Variants in CDCA2 observed in about 807,000 individuals in gnomAD.
The protein encoded by CDCA2 is cell division cycle-associated protein 2.
A neutral mutation model predicts 67.0 loss-of-function variants in CDCA2; 44 were observed. That is an observed-to-expected ratio of 0.66 (90% CI 0.52 to 0.84). The LOEUF is 0.84. CDCA2 is among the 40% of genes least tolerant of loss of function. The probability of loss-of-function intolerance (pLI) is 0.00; values close to 1 mark genes in which losing one functional copy is unlikely to be tolerated. For missense variants in CDCA2, 1,253 were observed against 1,203.2 expected, an observed-to-expected ratio of 1.04 and a Z score of -0.61; for synonymous variants, 447 against 418.7, an observed-to-expected ratio of 1.07 and a Z score of -0.82.
intron 8 of CDCA2, among the ~76,000 whole-genome samples, chr8:25,482,439 G>A (rs117489029): frequency 2.6e-5 from 4 of 152,120 alleles, no homozygotes; most frequent in Non-Finnish European, 5.9e-5. Context: ...AAATCTGTTG[G>A]TTCTGCATCC....
chr8:25,477,080 T>C (rs568410571), intron 7 of CDCA2, among the ~76,000 whole-genome samples: 1 of 152,334 alleles, frequency 6.6e-6, no homozygotes, highest in South Asian at 2.1e-4. Context: ...GGCCACACTC[T>C]GTCTCCTTGC....
chr8:25,507,420 A>C lies in CDCA2; in HGVS notation c.2754A>C (p.Lys918Asn), dbSNP rs2117561889. ...ISLPLPSTSQ[K>N]AKRRTICTFD... ...TTCCACTTCCTTCCACTTCCCAAAA[A>C]GCCAAAAGAAGAACAATATGTACAT... Residue 918 changes from lysine to asparagine, a missense_variant, in exon 15 of 15, where the codon AAA becomes AAC. Transcript: ENST00000330560. The C allele has an allele frequency of 6.2e-7, 1 of 1,614,054 alleles. No homozygotes were observed. The highest frequency in any genetic ancestry group is 8.5e-7 in the Non-Finnish European group (1 of 1,180,000).
rs780317901 is a variant in CDCA2, at chr8:25,468,237, G to A, written c.559G>A (p.Ala187Thr). Reference protein sequence around the residue: ...TDLTRKEGLSACQQSGFPAVL... With the variant: ...TDLTRKEGLSTCQQSGFPAVL... ...TATAGCCAGAAAGGAAGGTCTCAGC[G>A]CTTGCCAGCAGTCTGGGTTCCCTGC... The change falls in exon 6 of 15, where the codon GCT (alanine) becomes ACT (threonine). Residue 187 changes from alanine to threonine, a missense_variant. Ala to Thr is a moderately conservative substitution (Grantham distance 58, BLOSUM62 0). Transcript: ENST00000330560. 13 of 1,606,804 alleles carry A rather than the reference G, an allele frequency of 8.1e-6. No individual in the cohort carries two copies. The highest frequency in any genetic ancestry group is 6.7e-5 in the South Asian group (6 of 90,172).
Position 25,507,765 on chromosome 8 carries a change from A to G in CDCA2, c.*27A>G, listed in dbSNP as rs1214842805. The stretch of plus-strand genomic sequence containing the variant: ...TGACATTTCCTGCAGAGTCTGTGGC[A>G]AGAGGGAAAGTAACCATCTATGCTG... On this transcript the variant is annotated 3_prime_UTR_variant, in exon 15 of 15. Coordinates refer to ENST00000330560, the MANE Select transcript of CDCA2 (RefSeq NM_152562.4). 6.3e-7 allele frequency: 1 copy of G among 1,579,010 alleles called. No homozygotes were observed. Among genetic ancestry groups the G allele is most frequent in the Non-Finnish European group, 8.6e-7 (1 of 1,166,726 alleles).
intron 6 of CDCA2, among the ~76,000 whole-genome samples, chr8:25,469,309 G>A (rs888386651): frequency 3.3e-5 from 5 of 152,166 alleles, no homozygotes; most frequent in Admixed American, 6.5e-5. Flanking sequence ...TATTTCAGTC[G>A]CCTGTAATCT....
At chr8:25,500,955 T>A (rs1804451169) in intron 13 of CDCA2, among the ~76,000 whole-genome samples, 1 of 151,970 alleles carries the variant, frequency 6.6e-6, no homozygotes. Context: ...CCAGAGGCCA[T>A]TTTTTTTATT....
intron 7 of CDCA2, among the ~76,000 whole-genome samples, chr8:25,476,911 T>A (rs1803374776): frequency 6.6e-6 from 1 of 152,178 alleles, no homozygotes; most frequent in South Asian, 2.1e-4. Flanking sequence ...AAGGACCTTG[T>A]GTCTGAGTTG....
chr8:25,463,386 A>T (rs937251080), intron 4 of CDCA2, among the ~76,000 whole-genome samples: 3 of 152,184 alleles, frequency 2.0e-5, no homozygotes, highest in African/African-American at 7.2e-5. Context: ...AGGCCTGGTG[A>T]TGTAGCTCAT....
chr8:25,497,499 T>TAAA (rs1563281762), intron 13 of CDCA2, among the ~76,000 whole-genome samples: 2 of 122,658 alleles, frequency 1.6e-5, no homozygotes, highest in Admixed American at 8.0e-5. Flanking sequence ...CTTTAAAAAA[T>TAAA]AAAAAATAAA....
Position 25,478,300 on chromosome 8 carries a change from A to G in CDCA2, c.821-1613A>G, listed in dbSNP as rs533279072. On this transcript the variant is annotated intron_variant, in intron 7 of 14. Transcript: ENST00000330560. ...GCTACTAGGTCTTCAAAATATGTCA[A>G]ATGTCCACCCACTTCTCACCTTTTG... Among the ~76,000 whole-genome samples the G allele has an allele frequency of 4.6e-5, 7 of 152,116 alleles. 1 individual carries two copies. The South Asian group carries it at 1.0e-3, about 23-fold the overall frequency.
Position 25,485,916 on chromosome 8 carries a change from A to T in CDCA2, c.1444+79A>T, listed in dbSNP as rs796335472. 3.7e-6 allele frequency: 3 copies of T among 807,656 alleles called. No homozygotes were observed. The African/African-American group carries it at 5.3e-5, about 14-fold the overall frequency. The allele number at this position is 807,656 out of a possible 1,614,324, so 50.0% of individuals were successfully genotyped here. ...GTTGATTATTTTTGTTTTCTTTTAA[A>T]AATTTCATATTTGTTACCACAACAT... is the stretch of plus-strand genomic sequence containing the variant. On this transcript the variant is annotated intron_variant, in intron 11 of 14. Transcript: ENST00000330560.
At position 25,468,134 on chromosome 8, in the gene CDCA2, A is replaced by AG. The variant is rs1344055258; in HGVS notation, c.539-83_539-82insG. 1.8e-5 allele frequency: 10 copies of AG among 562,632 alleles called. No individual in the cohort carries two copies. In the East Asian group the frequency reaches 3.3e-4, roughly 19 times the overall value. 34.9% of individuals were successfully genotyped at this position (562,632 alleles called of 1,614,324 possible). A position where few individuals can be genotyped will look rare whatever the true frequency, so the allele number is the denominator to read the frequency against. On this transcript the variant is annotated intron_variant, in intron 5 of 14. Coordinates refer to ENST00000330560, the MANE Select transcript of CDCA2 (RefSeq NM_152562.4). ...ACTCCGTCTCAAAAAAAAAAAAAAA[A>AG]AAAAAGAAAAGAAAAAAAATATATA...
At chr8:25,491,525 A>G (rs1291392559) in intron 13 of CDCA2, among the ~76,000 whole-genome samples, 1 of 151,840 alleles carries the variant, frequency 6.6e-6, no homozygotes, top group Non-Finnish European at 1.5e-5. Context: ...GTTCATTTAA[A>G]GCTTAGAAGA....
chr8:25,483,014 G>A (rs892152830), intron 8 of CDCA2, among the ~76,000 whole-genome samples: 1 of 152,198 alleles, frequency 6.6e-6, no homozygotes, highest in Admixed American at 6.5e-5. Flanking sequence ...TTGAGCATCC[G>A]TGGATTTTGG....
At chr8:25,485,873 T>A in intron 11 of CDCA2, 36 bp downstream of exon 11, 1 of 1,210,830 alleles carries the variant, frequency 8.3e-7, no homozygotes, top group Non-Finnish European at 1.2e-6. Context: ...ATAAATGTCA[T>A]TTTTTATATG....
intron 7 of CDCA2, among the ~76,000 whole-genome samples, chr8:25,474,424 G>A (rs1253573101): frequency 6.6e-6 from 1 of 152,064 alleles, no homozygotes; most frequent in Non-Finnish European, 1.5e-5. Flanking sequence ...TCTTTTGGTG[G>A]GACATTTTTA....
chr8:25,461,192 G>A (rs1802670713), intron 3 of CDCA2, among the ~76,000 whole-genome samples: 1 of 149,312 alleles, frequency 6.7e-6, no homozygotes, highest in African/African-American at 2.5e-5. Context: ...GCTTGAACCT[G>A]GGAGGCAGAG....
At chr8:25,461,375 G>C (rs925693020) in intron 3 of CDCA2, among the ~76,000 whole-genome samples, 1 of 151,772 alleles carries the variant, frequency 6.6e-6, no homozygotes, top group African/African-American at 2.4e-5. Flanking sequence ...AGATGGAAAA[G>C]AAGGAAATAC....
intron 8 of CDCA2, among the ~76,000 whole-genome samples, chr8:25,480,838 A>T (rs948536961): frequency 6.6e-6 from 1 of 152,198 alleles, no homozygotes; most frequent in Admixed American, 6.5e-5. Context: ...TCACTGAGCA[A>T]ATTATTTGAC....
Sources: allele counts gnomAD v4.1 joint callset (sites outside exome capture counted in the v4.1 genomes callset), GRCh38; gene constraint gnomAD v4.1.1; transcripts MANE v1.5; gene names NCBI Gene and HGNC (gene_info 2026-07-23, HGNC 2026-07-21).